Variants in GLRA2 observed in about 807,000 individuals in gnomAD.
The protein encoded by GLRA2 is glycine receptor alpha 2, also known as glycine receptor subunit alpha-2.
In GLRA2, 11 loss-of-function variants were observed where a neutral mutation model predicts 31.6. The observed-to-expected ratio is 0.35, with a 90% CI of 0.22 to 0.58. GLRA2 has a LOEUF of 0.58. Ranked by LOEUF, GLRA2 falls within the 20% of genes least tolerant of loss-of-function variation. The pLI, the probability that GLRA2 is intolerant of heterozygous loss-of-function variation, is 0.84. For synonymous variants in GLRA2, 132 were observed against 134.0 expected (o/e 0.99, Z 0.10); for missense variants, 212 against 351.8 (o/e 0.60, Z 3.18).
the GLRA2 span, among the ~76,000 whole-genome samples, chrX:14,460,936 T>C: frequency 9.0e-5 from 10 of 111,557 alleles, no homozygotes; most frequent in Non-Finnish European, 1.9e-4. Flanking sequence ...CTCTAGTTCT[T>C]TTAATTGTGA....
At position 14,690,745 on chromosome X, in the gene GLRA2, G is replaced by A. The variant is rs370269883; in HGVS notation, c.966G>A (p.Ala322=). Residue 322 remains alanine, a synonymous_variant, in exon 8 of 9, where the codon GCG becomes GCA. Transcript: ENST00000218075. ...SYVKAIDIWM[A]VCLLFVFAAL... ...TAAAAGCGATTGACATCTGGATGGCGGTGTGCCTTCTGTTTGTGTTTGCTG... is the reference window on the plus strand; with the variant it reads ...TAAAAGCGATTGACATCTGGATGGCAGTGTGCCTTCTGTTTGTGTTTGCTG... The A allele has an allele frequency of 2.6e-5, 31 of 1,202,612 alleles. No individual in the cohort carries two copies. Among genetic ancestry groups the A allele is most frequent in the East Asian group, 1.2e-4 (4 of 33,700 alleles).
the GLRA2 span, among the ~76,000 whole-genome samples, chrX:14,497,021 T>C: frequency 8.9e-6 from 1 of 111,778 alleles, no homozygotes; most frequent in Non-Finnish European, 1.9e-5. Flanking sequence ...GTACCTGAGA[T>C]TGGCCAGGAA....
chrX:14,607,548 G>A (rs2090349184), intron 6 of GLRA2, among the ~76,000 whole-genome samples: 1 of 111,237 alleles, frequency 9.0e-6, no homozygotes, highest in Non-Finnish European at 1.9e-5. Flanking sequence ...GTTGTCGAAT[G>A]AGTCTGAGGA....
At chrX:14,525,967 A>G (rs1334142680), upstream of GLRA2, among the ~76,000 whole-genome samples, 3 of 112,285 alleles carry the variant, frequency 2.7e-5, no homozygotes, top group Non-Finnish European at 5.6e-5. Context: ...CAAAGCATGT[A>G]CTGTCTCTGT....
chrX:14,493,005 C>T, the GLRA2 span, among the ~76,000 whole-genome samples: 5 of 110,969 alleles, frequency 4.5e-5, no homozygotes, highest in Non-Finnish European at 9.4e-5. Flanking sequence ...GGACTTTTTA[C>T]GAGGTCACTA....
the GLRA2 span, among the ~76,000 whole-genome samples, chrX:14,471,814 A>G: frequency 2.7e-5 from 3 of 112,262 alleles, no homozygotes; most frequent in Admixed American, 1.9e-4. Context: ...AGAATCGGAC[A>G]ACCTGAGAAC....
intron 7 of GLRA2, among the ~76,000 whole-genome samples, chrX:14,646,840 C>T (rs1006102860): frequency 1.8e-5 from 2 of 111,644 alleles, no homozygotes; most frequent in Admixed American, 1.9e-4. Flanking sequence ...TAGGGAGGCA[C>T]GATCTTTTAA....
chrX:14,521,656 G>A, the GLRA2 span, among the ~76,000 whole-genome samples: 11 of 111,184 alleles, frequency 9.9e-5, no homozygotes, highest in Admixed American at 1.1e-3. Context: ...ATAAATCTCT[G>A]TCATATATCT....
At chrX:14,533,834 C>A (rs2089288574) in intron 2 of GLRA2, among the ~76,000 whole-genome samples, 1 of 110,611 alleles carries the variant, frequency 9.0e-6, no homozygotes, top group African/African-American at 3.3e-5. Flanking sequence ...TAGGAAAGTA[C>A]CATTAGGAAA....
chrX:14,614,208 G>A (rs1197095087), intron 7 of GLRA2, among the ~76,000 whole-genome samples: 2 of 111,055 alleles, frequency 1.8e-5, no homozygotes, highest in African/African-American at 3.3e-5. Context: ...GAGAGTAATG[G>A]GAAAGATGGA....
At chrX:14,453,738 C>T in the GLRA2 span, among the ~76,000 whole-genome samples, 2,739 of 111,860 alleles carry the variant, frequency 0.024, 102 homozygotes, top group African/African-American at 0.084. Context: ...AGCCTGTGCA[C>T]AAATATTCAA....
At chrX:14,653,267 C>T (rs2090907788) in intron 7 of GLRA2, among the ~76,000 whole-genome samples, 1 of 111,815 alleles carries the variant, frequency 8.9e-6, no homozygotes, top group African/African-American at 3.3e-5. Context: ...CTACCATAGA[C>T]AGTGATTCTT....
rs3027339 is a variant in GLRA2 at position 14,558,130 on chromosome X, C to T, written c.203-16203C>T. 5.0e-3 allele frequency among the ~76,000 whole-genome samples: 564 copies of T among 111,858 alleles called. 5 individuals carry two copies. Among genetic ancestry groups the T allele is most frequent in the Middle Eastern group, 0.018 (4 of 217 alleles). Reference sequence around the variant, plus strand: ...GATATTGGAAGATCTAAGTTGTAGTCTCCAAGATTTCAGTTTATATTAAAA... The same window carrying T: ...GATATTGGAAGATCTAAGTTGTAGTTTCCAAGATTTCAGTTTATATTAAAA... On this transcript the variant is annotated intron_variant, in intron 2 of 8. Coordinates refer to ENST00000218075, the MANE Select transcript of GLRA2 (RefSeq NM_002063.4).
At chrX:14,449,967 G>A in the GLRA2 span, among the ~76,000 whole-genome samples, 1 of 111,779 alleles carries the variant, frequency 8.9e-6, no homozygotes, top group South Asian at 3.8e-4. Context: ...GGTGTAGCCT[G>A]TCATCCAGCC....
chrX:14,643,626 G>C (rs2090798972), intron 7 of GLRA2, among the ~76,000 whole-genome samples: 1 of 111,732 alleles, frequency 8.9e-6, no homozygotes, highest in African/African-American at 3.3e-5. Flanking sequence ...TGCTGAGTTT[G>C]ACAACCATTT....
intron 2 of GLRA2, among the ~76,000 whole-genome samples, chrX:14,550,720 A>G (rs944406928): frequency 1.3e-4 from 14 of 111,870 alleles, no homozygotes; most frequent in African/African-American, 4.5e-4. Context: ...AGACTTTTCT[A>G]AAAAAAATTT....
At chrX:14,478,258 G>A in the GLRA2 span, among the ~76,000 whole-genome samples, 5 of 110,982 alleles carry the variant, frequency 4.5e-5, no homozygotes, top group African/African-American at 1.6e-4. Flanking sequence ...AATAATAAAT[G>A]GTCGCTTTTT....
At chrX:14,501,062 G>A in the GLRA2 span, among the ~76,000 whole-genome samples, 14 of 89,931 alleles carry the variant, frequency 1.6e-4, no homozygotes, top group African/African-American at 4.8e-4. Context: ...GAATGTTTTC[G>A]AAAAAGTAGT....
intron 7 of GLRA2, among the ~76,000 whole-genome samples, chrX:14,652,004 C>T (rs2090894915): frequency 9.0e-6 from 1 of 111,060 alleles, no homozygotes; most frequent in African/African-American, 3.3e-5. Flanking sequence ...CTCTTTCTCT[C>T]CCTCCCCATA....
Sources: gnomAD v4.1 joint callset for allele counts (sites outside exome capture counted in the v4.1 genomes callset) on GRCh38, gnomAD v4.1.1 for gene constraint, MANE v1.5 for transcripts, NCBI Gene and HGNC (gene_info 2026-07-23, HGNC 2026-07-21) for gene names.